The following NRCAM variants were observed in gnomAD, a reference collection of about 807,000 sequenced individuals.
NRCAM encodes the protein neuronal cell adhesion molecule.
In NRCAM, 83 loss-of-function variants were observed where a neutral mutation model predicts 156.5. The observed-to-expected ratio is 0.53, with a 90% CI of 0.44 to 0.64. The LOEUF is 0.64. NRCAM is among the 30% of genes least tolerant of loss of function. The pLI is 0.00. For synonymous variants in NRCAM, 538 were observed against 563.9 expected (o/e 0.95, Z 0.65); for missense variants, 1,417 against 1,597.3 (o/e 0.89, Z 1.92).
At chr7:108,371,662 G>T (rs906751643) in intron 2 of NRCAM, among the ~76,000 whole-genome samples, 1 of 152,150 alleles carries the variant, frequency 6.6e-6, no homozygotes, top group African/African-American at 2.4e-5. Context: ...ATATACAGAT[G>T]ATTAAGACAC....
chr7:108,290,646 T>C (rs1193584379), intron 3 of NRCAM, among the ~76,000 whole-genome samples: 2 of 151,962 alleles, frequency 1.3e-5, no homozygotes, highest in South Asian at 4.1e-4. Flanking sequence ...AATGCCATTT[T>C]ACAGAACTTA....
At chr7:108,371,023 T>A (rs749451635) in intron 2 of NRCAM, among the ~76,000 whole-genome samples, 1 of 152,166 alleles carries the variant, frequency 6.6e-6, no homozygotes, top group African/African-American at 2.4e-5. Flanking sequence ...TAGATTTGAA[T>A]GAGCTAGAAT....
chr7:108,198,885 G>C (rs2076504726), intron 13 of NRCAM, among the ~76,000 whole-genome samples: 1 of 152,160 alleles, frequency 6.6e-6, no homozygotes, highest in African/African-American at 2.4e-5. Context: ...TTACTGAAGT[G>C]GAATAGAACT....
chr7:108,168,459 A>G, intron 28 of NRCAM, 57 bp from the exon 29 acceptor site: 1 of 1,404,234 alleles, frequency 7.1e-7, no homozygotes, highest in South Asian at 1.7e-5. Context: ...CATACACACG[A>G]ATATAAAATA....
chr7:108,440,114 A>T (rs909356107), intron 1 of NRCAM, among the ~76,000 whole-genome samples: 5 of 152,170 alleles, frequency 3.3e-5, no homozygotes, highest in Non-Finnish European at 7.3e-5. Context: ...GAAACAGTCC[A>T]TATGTCTATC....
At chr7:108,378,459 A>T (rs2099685753) in intron 2 of NRCAM, among the ~76,000 whole-genome samples, 1 of 152,114 alleles carries the variant, frequency 6.6e-6, no homozygotes, top group South Asian at 2.1e-4. Flanking sequence ...AAAGGTTGAG[A>T]ATCATAAAGG....
chr7:108,309,584 T>G (rs949500270), intron 3 of NRCAM, among the ~76,000 whole-genome samples: 1 of 152,150 alleles, frequency 6.6e-6, no homozygotes, highest in African/African-American at 2.4e-5. Context: ...TGGCCAGGCA[T>G]GGTGGCTCAT....
At chr7:108,386,152 G>C (rs181739069) in intron 2 of NRCAM, among the ~76,000 whole-genome samples, 1 of 151,956 alleles carries the variant, frequency 6.6e-6, no homozygotes, top group Non-Finnish European at 1.5e-5. Context: ...AGGAAGGATA[G>C]ATCATCTGAT....
chr7:108,452,943 T>C (rs1400217775), intron 1 of NRCAM, among the ~76,000 whole-genome samples: 1 of 152,216 alleles, frequency 6.6e-6, no homozygotes, highest in African/African-American at 2.4e-5. Flanking sequence ...CAGATGTGCA[T>C]TACACTGTTC....
chr7:108,404,161 A>G (rs2099800914), intron 1 of NRCAM, among the ~76,000 whole-genome samples: 1 of 152,070 alleles, frequency 6.6e-6, no homozygotes, highest in Non-Finnish European at 1.5e-5. Context: ...TCAGAGGGAG[A>G]GCCCGATGCA....
In NRCAM at chr7:108,180,257, G is replaced by A. The variant is rs2062747967; in HGVS notation, c.2817C>T (p.Ala939=). The change falls in exon 25 of 33, where the codon GCC becomes GCT. Residue 939 remains alanine, a synonymous_variant. Transcript: ENST00000379028. The stretch of plus-strand genomic sequence containing the variant: ...GAGTATTAAAGACTCTGTCAGGGCT[G>A]GCTGGGCCCTCCCCTTTCCCATTGA... The part of the protein sequence containing the change: ...RVVNGKGEGP[A]SPDRVFNTPE... The A allele has an allele frequency of 6.2e-7, 1 of 1,614,088 alleles. No individual in the cohort carries two copies. The highest frequency in any genetic ancestry group is 8.5e-7 in the Non-Finnish European group (1 of 1,180,032).
intron 17 of NRCAM, 66 bp from the exon 18 acceptor site, chr7:108,191,919 TG>T: frequency 6.6e-7 from 1 of 1,520,232 alleles, no homozygotes; most frequent in Non-Finnish European, 8.9e-7. Context: ...ATTGCTTCAC[TG>T]GCAGGAAAAA....
intron 25 of NRCAM, 40 bp from the exon 26 acceptor site, chr7:108,178,152 AT>A: frequency 6.3e-7 from 1 of 1,592,176 alleles, no homozygotes; most frequent in Non-Finnish European, 8.6e-7. Flanking sequence ...AGATTTCTGA[AT>A]GTTTCAACAT....
chr7:108,215,731 CTTTTT>C (rs60725485), intron 11 of NRCAM, among the ~76,000 whole-genome samples: 3 of 127,654 alleles, frequency 2.4e-5, no homozygotes, highest in Non-Finnish European at 3.3e-5. Context: ...CAACCCCTGC[CTTTTT>C]TTTTTTTTTT....
chr7:108,451,293 CAAGAAAACAGAAA>C (rs1176253177), intron 1 of NRCAM, among the ~76,000 whole-genome samples: 1 of 151,614 alleles, frequency 6.6e-6, no homozygotes, highest in African/African-American at 2.4e-5. Context: ...TGGCTATTAT[CAAGAAAACAGAAA>C]ATAACAAGTG....
Position 108,149,993 on chromosome 7 carries a change from C to A in NRCAM, c.3832G>T (p.Gly1278Cys). The change falls in exon 33 of 33, where the codon GGT becomes TGT. Residue 1278 changes from glycine to cysteine, a missense_variant. Physicochemically the swap from Gly to Cys is radical, Grantham distance 159 (BLOSUM62 -3). This residue lies in a region of NRCAM where 179 missense variants were observed against 260.9 expected (regional missense o/e 0.69). Coordinates refer to ENST00000379028, the MANE Select transcript of NRCAM (RefSeq NM_001037132.4). The stretch of plus-strand genomic sequence containing the variant: ...TCAGCCGGCTCTTTCTCTTTCTTAC[C>A]ACTGTATTGTCCAATAAAGGAGCCA... ...EDGSFIGQYSGKKEKEPAEGN... is the reference protein window; with the variant it reads ...EDGSFIGQYSCKKEKEPAEGN... 1 of 1,614,006 alleles carries A rather than the reference C, an allele frequency of 6.2e-7. No homozygotes were observed. The highest frequency in any genetic ancestry group is 8.5e-7 in the Non-Finnish European group (1 of 1,179,928).
chr7:108,315,563 G>A (rs192989180), intron 2 of NRCAM, among the ~76,000 whole-genome samples: 53 of 152,304 alleles, frequency 3.5e-4, no homozygotes, highest in African/African-American at 1.3e-3. Context: ...CCATCAGATG[G>A]CACCCAGAGG....
rs1336657991 is a variant in NRCAM, at chr7:108,197,233, C to T, written c.1351+723G>A. On this transcript the variant is annotated intron_variant, in intron 14 of 32. Transcript: ENST00000379028. Reference sequence around the variant, plus strand: ...GTGCTTTCTCAACATCCACCAATATCTTAACTGCTTAGCTCTTCATAGGAT... The same window carrying T: ...GTGCTTTCTCAACATCCACCAATATTTTAACTGCTTAGCTCTTCATAGGAT... Among the ~76,000 whole-genome samples, 10 of 152,174 alleles carry T rather than the reference C, an allele frequency of 6.6e-5. No individual in the cohort carries two copies. In the South Asian group the frequency reaches 1.7e-3, roughly 25 times the overall value.
chr7:108,455,495 C>T (rs996001433), intron 1 of NRCAM, among the ~76,000 whole-genome samples: 1 of 152,170 alleles, frequency 6.6e-6, no homozygotes, highest in Non-Finnish European at 1.5e-5. Context: ...CAAGTCCCAG[C>T]CCTCGGAGGC....
Sources: allele counts gnomAD v4.1 joint callset (sites outside exome capture counted in the v4.1 genomes callset), GRCh38; gene constraint gnomAD v4.1.1; regional missense constraint gnomAD v4.1.1; transcripts MANE v1.5; gene names NCBI Gene and HGNC (gene_info 2026-07-23, HGNC 2026-07-21).